Variants in TUSC3 observed in about 807,000 individuals in gnomAD.
The protein encoded by TUSC3 is dolichyl-diphosphooligosaccharide--protein glycosyltransferase subunit TUSC3.
A neutral mutation model predicts 44.8 loss-of-function variants in TUSC3; 45 were observed. That is an observed-to-expected ratio of 1.00 (90% CI 0.79 to 1.29). The LOEUF is 1.29. Among genes scored for constraint, TUSC3 ranks in the 50% most tolerant of loss-of-function variants. TUSC3 has a pLI of 0.00. For missense variants in TUSC3, 519 were observed against 437.9 expected, an observed-to-expected ratio of 1.19 and a Z score of -1.65; for synonymous variants, 212 against 152.9, an observed-to-expected ratio of 1.39 and a Z score of -2.85.
intron 1 of TUSC3, among the ~76,000 whole-genome samples, chr8:15,542,078 G>A (rs1393342165): frequency 6.6e-6 from 1 of 151,872 alleles, no homozygotes; most frequent in East Asian, 1.9e-4. Context: ...GCCCAAGGTG[G>A]TCAGGGTACA....
chr8:15,518,341 T>C (rs2129129041), intron 2 of TUSC3, among the ~76,000 whole-genome samples: 1 of 152,268 alleles, frequency 6.6e-6, no homozygotes, highest in East Asian at 1.9e-4. Flanking sequence ...ATGTTACAGT[T>C]TTATCCATAT....
At chr8:15,793,317 C>T in the TUSC3 span, among the ~76,000 whole-genome samples, 25,334 of 152,106 alleles carry the variant, frequency 0.17, 2,157 homozygotes, top group Middle Eastern at 0.22. Context: ...CATGATTCAG[C>T]CTCAGTATTT....
At chr8:15,682,135 T>A (rs1808451678) in intron 6 of TUSC3, among the ~76,000 whole-genome samples, 5 of 152,200 alleles carry the variant, frequency 3.3e-5, no homozygotes, top group Admixed American at 3.3e-4. Context: ...GAATGTTTAT[T>A]CTGCAGTTGT....
At chr8:15,594,497 C>T (rs1803984256) in intron 1 of TUSC3, among the ~76,000 whole-genome samples, 2 of 152,098 alleles carry the variant, frequency 1.3e-5, no homozygotes, top group Non-Finnish European at 2.9e-5. Context: ...TTTTGTCTTC[C>T]TGTGACTATC....
chr8:15,829,196 A>C, the TUSC3 span, among the ~76,000 whole-genome samples: 1 of 152,164 alleles, frequency 6.6e-6, no homozygotes, highest in African/African-American at 2.4e-5. Flanking sequence ...CCATTAAATT[A>C]CATTTGTTTC....
intron 1 of TUSC3, among the ~76,000 whole-genome samples, chr8:15,591,351 C>T (rs947508573): frequency 2.0e-5 from 3 of 152,068 alleles, no homozygotes; most frequent in Non-Finnish European, 1.5e-5. Flanking sequence ...CTTAGGCTTT[C>T]TCCTATAAAA....
chr8:15,808,438 T>C, the TUSC3 span, among the ~76,000 whole-genome samples: 10 of 152,218 alleles, frequency 6.6e-5, no homozygotes, highest in African/African-American at 2.2e-4. Context: ...GTGAGAGTTT[T>C]TGATATTGGA....
At chr8:15,846,826 A>G in the TUSC3 span, among the ~76,000 whole-genome samples, 4 of 151,268 alleles carry the variant, frequency 2.6e-5, no homozygotes, top group Admixed American at 2.0e-4. Flanking sequence ...CATGTAACAA[A>G]CCTGCATGTT....
the TUSC3 span, among the ~76,000 whole-genome samples, chr8:15,801,891 G>C: frequency 2.6e-5 from 4 of 152,216 alleles, no homozygotes; most frequent in Admixed American, 2.6e-4. Flanking sequence ...TTTGAAATGG[G>C]AGAGAGGATT....
At chr8:15,476,672 T>C (rs1486093575) in intron 1 of TUSC3, among the ~76,000 whole-genome samples, 1 of 152,158 alleles carries the variant, frequency 6.6e-6, no homozygotes, top group Admixed American at 6.5e-5. Context: ...AAAGCAGAGA[T>C]TTATTGAAAA....
chr8:15,511,831 A>T lies in TUSC3; in HGVS notation n.189+28348A>T, dbSNP rs540895134. On this transcript the variant is annotated intron_variant and non_coding_transcript_variant, in intron 2 of 5. Coordinates refer to the TUSC3 transcript ENST00000503191. The stretch of plus-strand genomic sequence containing the variant: ...CATTGCAGTGAGCCAAGATTGCGCC[A>T]CTGTACTCCAGCCTGGGCGACAGAG... Among the ~76,000 whole-genome samples, 10 of 152,046 alleles carry T rather than the reference A, an allele frequency of 6.6e-5. No homozygotes were observed. The South Asian group carries it at 2.1e-3, about 32-fold the overall frequency.
Position 15,621,516 on chromosome 8 carries a change from T to TAA in TUSC3, c.139-1561_139-1560dup, listed in dbSNP as rs1439213322. Among the ~76,000 whole-genome samples the TAA allele has an allele frequency of 1.5e-4, 20 of 135,972 alleles. No homozygotes were observed. In the South Asian group the frequency reaches 2.0e-3, roughly 13 times the overall value. The allele number at this position is 135,972 out of a possible 152,430, so 89.2% of individuals were successfully genotyped here. A position where few individuals can be genotyped will look rare whatever the true frequency, so the allele number is the denominator to read the frequency against. ...TCTATAAAATACACATAAATATATG[T>TAA]AAAATATATATATATATATAAAGTA... On this transcript the variant is annotated intron_variant, in intron 1 of 10. Coordinates refer to ENST00000503731, the MANE Select transcript of TUSC3 (RefSeq NM_006765.4).
intron 1 of TUSC3, among the ~76,000 whole-genome samples, chr8:15,618,056 G>T (rs1805072568): frequency 1.3e-5 from 2 of 152,194 alleles, no homozygotes; most frequent in Middle Eastern, 3.4e-3. Context: ...GTACAGCAAA[G>T]ATATGGTATA....
At chr8:15,447,835 A>G (rs1800126979) in intron 1 of TUSC3, among the ~76,000 whole-genome samples, 1 of 151,790 alleles carries the variant, frequency 6.6e-6, no homozygotes, top group Non-Finnish European at 1.5e-5. Context: ...CCATGCGAGA[A>G]CCCATAAAAA....
intron 7 of TUSC3, among the ~76,000 whole-genome samples, chr8:15,732,871 A>G (rs973075699): frequency 6.6e-6 from 1 of 151,980 alleles, no homozygotes; most frequent in African/African-American, 2.4e-5. Flanking sequence ...TATTTCTCCC[A>G]CCCTTGATGA....
At chr8:15,641,829 A>G (rs1282227398) in intron 2 of TUSC3, among the ~76,000 whole-genome samples, 1 of 152,228 alleles carries the variant, frequency 6.6e-6, no homozygotes, top group Non-Finnish European at 1.5e-5. Context: ...AAGTCATGAT[A>G]AAAGTATTAT....
intron 2 of TUSC3, among the ~76,000 whole-genome samples, chr8:15,495,208 T>G (rs1188374705): frequency 6.6e-6 from 1 of 152,082 alleles, no homozygotes; most frequent in Non-Finnish European, 1.5e-5. Context: ...TAATAAAGAG[T>G]GGCCTCAATT....
chr8:15,583,697 C>T (rs947197829), intron 1 of TUSC3, among the ~76,000 whole-genome samples: 1 of 152,054 alleles, frequency 6.6e-6, no homozygotes, highest in African/African-American at 2.4e-5. Flanking sequence ...CTTTAGTGCT[C>T]AGCTGTCAAG....
intron 2 of TUSC3, among the ~76,000 whole-genome samples, chr8:15,628,371 G>A (rs1805608750): frequency 6.6e-6 from 1 of 152,068 alleles, no homozygotes; most frequent in Admixed American, 6.6e-5. Context: ...TAAATCATTT[G>A]TTAAATACAG....
Sources: allele counts gnomAD v4.1 joint callset (sites outside exome capture counted in the v4.1 genomes callset), GRCh38; gene constraint gnomAD v4.1.1; transcripts MANE v1.5; gene names NCBI Gene and HGNC (gene_info 2026-07-23, HGNC 2026-07-21).